Variants in TNFAIP8 observed in about 807,000 individuals in gnomAD.
The protein encoded by TNFAIP8 is TNF alpha induced protein 8.
TNFAIP8 carries 7 observed loss-of-function variants against 13.3 expected under a neutral mutation model. That is an observed-to-expected ratio of 0.52 (90% CI 0.30 to 0.99). The LOEUF is 0.99. Ranked by LOEUF, TNFAIP8 falls within the 50% of genes least tolerant of loss-of-function variation. The probability of loss-of-function intolerance (pLI) is 0.07; values close to 1 mark genes in which losing one functional copy is unlikely to be tolerated. For synonymous variants in TNFAIP8, 94 were observed against 87.6 expected (o/e 1.07, Z -0.41); for missense variants, 258 against 236.9 (o/e 1.09, Z -0.58).
intron 1 of TNFAIP8, among the ~76,000 whole-genome samples, chr5:119,344,609 G>A (rs1750841162): frequency 6.6e-6 from 1 of 152,162 alleles, no homozygotes; most frequent in South Asian, 2.1e-4. Context: ...GCCTCAGTGA[G>A]CATTTGAATT....
intron 1 of TNFAIP8, among the ~76,000 whole-genome samples, chr5:119,331,335 G>A (rs970813305): frequency 4.6e-5 from 7 of 151,562 alleles, no homozygotes; most frequent in African/African-American, 1.7e-4. Flanking sequence ...TGTCTGTGAT[G>A]ACTCTTCTTT....
chr5:119,390,405 T>C (rs1323469444), intron 1 of TNFAIP8, among the ~76,000 whole-genome samples: 1 of 152,186 alleles, frequency 6.6e-6, no homozygotes, highest in Non-Finnish European at 1.5e-5. Flanking sequence ...GCCATTTCTT[T>C]TGACATAAAT....
rs528519793 is a variant in TNFAIP8, at chr5:119,325,083, TA to T, written c.1+56187del. On this transcript the variant is annotated intron_variant, in intron 1 of 1. Transcript: ENST00000274456. ...ACCCTGTCTCTTAAAAAATAAAAAA[TA>T]AAAAAAAAAAGACTGCATTACATGC... Among the ~76,000 whole-genome samples the T allele has an allele frequency of 8.7e-3, 1,244 of 143,686 alleles. 6 individuals carry two copies. The highest frequency in any genetic ancestry group is 0.018 in the Middle Eastern group (5 of 280). 94.3% of individuals were successfully genotyped at this position (143,686 alleles called of 152,430 possible). A position where few individuals can be genotyped will look rare whatever the true frequency, so the allele number is the denominator to read the frequency against.
intron 1 of TNFAIP8, among the ~76,000 whole-genome samples, chr5:119,272,462 C>A (rs771484049): frequency 4.6e-5 from 7 of 152,230 alleles, no homozygotes; most frequent in Non-Finnish European, 8.8e-5. Context: ...GTTTGGAATT[C>A]TGTTGTGTTT....
chr5:119,299,527 G>T lies in TNFAIP8; in HGVS notation c.1+30620G>T, dbSNP rs1749291417. The stretch of plus-strand genomic sequence containing the variant: ...TGTCAGTCTGCCTCTACTGGGGGGT[G>T]CCTCCCAGTTAGGCTGCTTGGGGGT... On this transcript the variant is annotated intron_variant, in intron 1 of 1. Coordinates refer to the TNFAIP8 transcript ENST00000274456. Among the ~76,000 whole-genome samples the T allele has an allele frequency of 3.9e-5, 6 of 152,306 alleles. No individual in the cohort carries two copies. The South Asian group carries it at 1.2e-3, about 32-fold the overall frequency.
Position 119,398,796 on chromosome 5 carries a change from ATT to A in TNFAIP8, c.*5416_*5417del, listed in dbSNP as rs1753130879. The A allele has an allele frequency of 6.6e-6, 1 of 152,198 alleles. No individual in the cohort carries two copies. Among genetic ancestry groups the A allele is most frequent in the Admixed American group, 6.5e-5 (1 of 15,280 alleles). The allele number at this position is 152,198 out of a possible 1,614,324, so 9.4% of individuals were successfully genotyped here. On this transcript the variant is annotated 3_prime_UTR_variant, in exon 2 of 2. Coordinates refer to ENST00000504771, the MANE Select transcript of TNFAIP8 (RefSeq NM_014350.4). ...AAAAACTCAGAGTATAAATATCTATATTGTTACCATTATCTGGGATAATTGAT... is the reference window on the plus strand; with the variant it reads ...AAAAACTCAGAGTATAAATATCTATAGTTACCATTATCTGGGATAATTGAT...
At chr5:119,275,820 T>C (rs1748424744) in intron 1 of TNFAIP8, among the ~76,000 whole-genome samples, 1 of 120,124 alleles carries the variant, frequency 8.3e-6, no homozygotes, top group African/African-American at 3.4e-5. Flanking sequence ...GATTGACAGC[T>C]TTTTTTTTCC....
chr5:119,338,797 CA>C (rs1750642152), intron 1 of TNFAIP8, among the ~76,000 whole-genome samples: 1 of 152,092 alleles, frequency 6.6e-6, no homozygotes, highest in Admixed American at 6.5e-5. Flanking sequence ...ATAACTGGAA[CA>C]AAGTTTTGAT....
At chr5:119,366,413 T>C (rs879616724) in intron 1 of TNFAIP8, among the ~76,000 whole-genome samples, 2 of 152,168 alleles carry the variant, frequency 1.3e-5, no homozygotes, top group Admixed American at 6.5e-5. Flanking sequence ...GGATGTGACA[T>C]TGAGGAATGC....
intron 1 of TNFAIP8, among the ~76,000 whole-genome samples, chr5:119,289,752 T>C (rs1180236983): frequency 1.3e-5 from 2 of 152,180 alleles, no homozygotes; most frequent in Non-Finnish European, 2.9e-5. Flanking sequence ...TGCCCTGGGA[T>C]AAGTTAGGAA....
At position 119,383,316 on chromosome 5, in the gene TNFAIP8, G is replaced by T. The variant is rs1006294571; in HGVS notation, c.32-9500G>T. Among the ~76,000 whole-genome samples the T allele has an allele frequency of 5.3e-5, 8 of 152,150 alleles. 1 individual carries two copies. Among genetic ancestry groups the T allele is most frequent in the African/African-American group, 1.7e-4 (7 of 41,442 alleles). On this transcript the variant is annotated intron_variant, in intron 1 of 1. Transcript: ENST00000504771. ...GGTCAGTCACAGATCTGTTGTCATG[G>T]TGTAATTACTAACAGCACTGTTTCC...
Position 119,393,425 on chromosome 5 carries a change from T to C in TNFAIP8, c.*44T>C. Reference sequence around the variant, plus strand: ...TGACTGATCATGATTTATTTGAAGATGGAGCACTGCTGATTTATGAAGGAA... The same window carrying C: ...TGACTGATCATGATTTATTTGAAGACGGAGCACTGCTGATTTATGAAGGAA... On this transcript the variant is annotated 3_prime_UTR_variant, in exon 2 of 2. Coordinates refer to ENST00000504771, the MANE Select transcript of TNFAIP8 (RefSeq NM_014350.4). 2 of 1,522,808 alleles carry C rather than the reference T, an allele frequency of 1.3e-6. No homozygotes were observed. Among genetic ancestry groups the C allele is most frequent in the Admixed American group, 1.8e-5 (1 of 54,974 alleles). The allele number at this position is 1,522,808 out of a possible 1,614,324, so 94.3% of individuals were successfully genotyped here. A position where few individuals can be genotyped will look rare whatever the true frequency, so the allele number is the denominator to read the frequency against.
chr5:119,351,614 G>A (rs909602903), upstream of TNFAIP8, among the ~76,000 whole-genome samples: 2 of 152,130 alleles, frequency 1.3e-5, no homozygotes, highest in Non-Finnish European at 2.9e-5. Context: ...TCCTGATGTA[G>A]CCCCATCGCT....
At chr5:119,381,411 G>T (rs967741241) in intron 1 of TNFAIP8, among the ~76,000 whole-genome samples, 2 of 152,108 alleles carry the variant, frequency 1.3e-5, no homozygotes, top group Admixed American at 1.3e-4. Context: ...CAAGCATGGT[G>T]GTGTGCCTGT....
intron 1 of TNFAIP8, among the ~76,000 whole-genome samples, chr5:119,306,864 A>G (rs1475232200): frequency 6.6e-6 from 1 of 152,224 alleles, no homozygotes; most frequent in Non-Finnish European, 1.5e-5. Context: ...AATAAAACAA[A>G]TAAGACATCT....
chr5:119,369,545 G>A (rs1434111063), intron 1 of TNFAIP8, among the ~76,000 whole-genome samples: 2 of 152,216 alleles, frequency 1.3e-5, no homozygotes, highest in African/African-American at 4.8e-5. Context: ...GATTCAGAGT[G>A]TAAAATATTT....
At chr5:119,391,177 A>T (rs1427896691) in intron 1 of TNFAIP8, among the ~76,000 whole-genome samples, 1 of 151,992 alleles carries the variant, frequency 6.6e-6, no homozygotes, top group Non-Finnish European at 1.5e-5. Context: ...GGATTAAGGG[A>T]GTCACTCTTC....
chr5:119,379,004 A>G (rs1752386248), intron 1 of TNFAIP8, among the ~76,000 whole-genome samples: 1 of 152,198 alleles, frequency 6.6e-6, no homozygotes, highest in Non-Finnish European at 1.5e-5. Flanking sequence ...TCAAGGTTGC[A>G]GTAAGTTATG....
chr5:119,319,692 G>A (rs1749998267), intron 1 of TNFAIP8, among the ~76,000 whole-genome samples: 1 of 152,166 alleles, frequency 6.6e-6, no homozygotes, highest in African/African-American at 2.4e-5. Flanking sequence ...TTATTTCTAT[G>A]TATATTGGTG....
Sources: gnomAD v4.1 joint callset for allele counts (sites outside exome capture counted in the v4.1 genomes callset) on GRCh38, gnomAD v4.1.1 for gene constraint, MANE v1.5 for transcripts, NCBI Gene and HGNC (gene_info 2026-07-23, HGNC 2026-07-21) for gene names.